AGO3: variants seen among roughly 807,000 people sequenced by gnomAD.
AGO3 encodes protein argonaute-3.
AGO3 carries 16 observed loss-of-function variants against 105.5 expected under a neutral mutation model. The observed-to-expected ratio is 0.15, with a 90% CI of 0.10 to 0.23. The LOEUF is 0.23. Among genes scored for constraint, AGO3 ranks in the 10% least tolerant of loss-of-function variants. AGO3 has a pLI of 1.00. For missense variants in AGO3, 534 were observed against 1,088.0 expected (o/e 0.49, Z 7.16); for synonymous variants, 340 against 367.3 (o/e 0.93, Z 0.85).
intron 9 of AGO3, 38 bp downstream of exon 9, chr1:36,009,632 A>G (rs747906655): frequency 1.3e-6 from 2 of 1,588,504 alleles, no homozygotes; most frequent in Non-Finnish European, 8.6e-7. Flanking sequence ...TTTAAAACAT[A>G]TTAGGGTGAA....
intron 14 of AGO3, among the ~76,000 whole-genome samples, chr1:36,038,575 G>A (rs939622660): frequency 6.6e-5 from 10 of 151,898 alleles, no homozygotes; most frequent in African/African-American, 2.2e-4. Context: ...CTTAAGTAGC[G>A]AGATACCTTT....
At chr1:36,031,481 A>T (rs1389935468) in intron 12 of AGO3, among the ~76,000 whole-genome samples, 4 of 149,338 alleles carry the variant, frequency 2.7e-5, no homozygotes, top group African/African-American at 2.5e-5. Context: ...TTTCTCCTTC[A>T]TTTTTTTTTT....
At chr1:35,991,871 C>T (rs1463965686) in intron 5 of AGO3, among the ~76,000 whole-genome samples, 1 of 152,094 alleles carries the variant, frequency 6.6e-6, no homozygotes, top group South Asian at 2.1e-4. Context: ...TTGTTTTGAT[C>T]TCTGTCTTCC....
At chr1:35,967,113 T>C in intron 3 of AGO3, 38 bp downstream of exon 3, 1 of 1,588,384 alleles carries the variant, frequency 6.3e-7, no homozygotes. Context: ...GGTATATTTT[T>C]GAAGTGTCTC....
chr1:36,035,592 T>G (rs186374745), intron 13 of AGO3, among the ~76,000 whole-genome samples: 2,311 of 152,232 alleles, frequency 0.015, 49 homozygotes, highest in African/African-American at 0.053. Context: ...AATATAAGTC[T>G]TTTTTTAAAG....
chr1:35,987,127 A>G (rs908408016), intron 5 of AGO3, among the ~76,000 whole-genome samples: 1 of 152,106 alleles, frequency 6.6e-6, no homozygotes, highest in Non-Finnish European at 1.5e-5. Context: ...CAGGAGTTCA[A>G]GACTAGCTTG....
intron 17 of AGO3, among the ~76,000 whole-genome samples, chr1:36,049,919 G>A (rs1360784603): frequency 6.6e-6 from 1 of 152,108 alleles, no homozygotes; most frequent in Non-Finnish European, 1.5e-5. Flanking sequence ...ATAATATAAA[G>A]CAAGTATTAT....
chr1:35,989,074 T>C (rs1017113618), intron 5 of AGO3, among the ~76,000 whole-genome samples: 11 of 152,172 alleles, frequency 7.2e-5, no homozygotes, highest in Admixed American at 6.6e-5. Context: ...TTGAGCACTA[T>C]AATAAGTACT....
intron 2 of AGO3, among the ~76,000 whole-genome samples, chr1:35,964,472 C>A (rs1476088812): frequency 6.6e-6 from 1 of 152,160 alleles, no homozygotes; most frequent in Non-Finnish European, 1.5e-5. Flanking sequence ...TTTTTTATGA[C>A]TGCATAGTAT....
At chr1:36,023,874 A>G (rs1569840551) in intron 11 of AGO3, among the ~76,000 whole-genome samples, 1 of 152,192 alleles carries the variant, frequency 6.6e-6, no homozygotes, top group Middle Eastern at 3.4e-3. Context: ...TTTGCCTTTC[A>G]TCTCCACCAC....
rs375403384 is a variant in AGO3 at position 35,967,087 on chromosome 1, A to G, written c.312+12A>G. 8.8e-6 allele frequency: 14 copies of G among 1,598,432 alleles called. No individual in the cohort carries two copies. The African/African-American group carries it at 1.5e-4, about 17-fold the overall frequency. ...TGGCAACTACAGGGGTAAGATATGC[A>G]TTCCTGTATTGGAAAGGTATATTTT... On this transcript the variant is annotated intron_variant, in intron 3 of 18. Coordinates refer to ENST00000373191, the MANE Select transcript of AGO3 (RefSeq NM_024852.4).
chr1:36,013,972 C>T lies in AGO3; in HGVS notation c.1330C>T (p.His444Tyr). Residue 444 changes from histidine (H) to tyrosine (Y), a missense_variant, in exon 11 of 19, where the codon CAC becomes TAC. Around this residue, in one of 2 missense-constraint regions of AGO3, gnomAD observed 373 missense variants for 854.0 expected, o/e 0.44. Transcript: ENST00000373191. ...GVWDMRGKQF[H>Y]TGVEIKMWAI... The stretch of plus-strand genomic sequence containing the variant: ...ATGGGACATGCGAGGGAAACAATTC[C>T]ACACAGGAGTTGAAATCAAAATGTG... 1 of 1,614,020 alleles carries T rather than the reference C, an allele frequency of 6.2e-7. No homozygotes were observed. Among genetic ancestry groups the T allele is most frequent in the Non-Finnish European group, 8.5e-7 (1 of 1,180,016 alleles).
At chr1:35,950,835 T>C (rs2148754801) in intron 2 of AGO3, among the ~76,000 whole-genome samples, 1 of 152,356 alleles carries the variant, frequency 6.6e-6, no homozygotes, top group East Asian at 1.9e-4. Flanking sequence ...CATTAAATAA[T>C]GGAATAGATA....
chr1:36,031,607 G>A (rs1569870387), intron 12 of AGO3, among the ~76,000 whole-genome samples: 3 of 152,036 alleles, frequency 2.0e-5, no homozygotes, highest in Admixed American at 1.3e-4. Flanking sequence ...ATGTTGTGCA[G>A]CCATCATCAC....
chr1:36,058,832 G>C lies in AGO3; in HGVS notation c.*3087G>C, dbSNP rs1360483828. Reference sequence around the variant, plus strand: ...TCCAGAAAAATTTCCTATAAAGATGGATTTTTTTACACTGAAATTTTACTG... The same window carrying C: ...TCCAGAAAAATTTCCTATAAAGATGCATTTTTTTACACTGAAATTTTACTG... On this transcript the variant is annotated 3_prime_UTR_variant, in exon 19 of 19. Coordinates refer to ENST00000373191, the MANE Select transcript of AGO3 (RefSeq NM_024852.4). 2 of 152,012 alleles carry C rather than the reference G, an allele frequency of 1.3e-5. No homozygotes were observed. The highest frequency in any genetic ancestry group is 4.8e-5 in the African/African-American group (2 of 41,380). 9.4% of individuals were successfully genotyped at this position (152,012 alleles called of 1,614,324 possible). A position where few individuals can be genotyped will look rare whatever the true frequency, so the allele number is the denominator to read the frequency against.
chr1:35,975,113 C>A (rs763984433), intron 5 of AGO3, among the ~76,000 whole-genome samples: 1 of 151,998 alleles, frequency 6.6e-6, no homozygotes, highest in Non-Finnish European at 1.5e-5. Flanking sequence ...ACATTCCTGG[C>A]GGTTAGACTG....
At chr1:36,002,886 C>T (rs1235758244) in intron 5 of AGO3, among the ~76,000 whole-genome samples, 4 of 152,092 alleles carry the variant, frequency 2.6e-5, no homozygotes, top group African/African-American at 4.8e-5. Flanking sequence ...GCCTGGCCAA[C>T]GTGGTAAAAC....
At chr1:35,996,235 A>G (rs1211569915) in intron 5 of AGO3, among the ~76,000 whole-genome samples, 2 of 151,758 alleles carry the variant, frequency 1.3e-5, no homozygotes, top group Non-Finnish European at 2.9e-5. Context: ...TGAGGTGAGA[A>G]GATTACTTGA....
intron 17 of AGO3, among the ~76,000 whole-genome samples, chr1:36,051,222 A>G (rs1029171948): frequency 6.6e-6 from 1 of 152,176 alleles, no homozygotes; most frequent in African/African-American, 2.4e-5. Context: ...GTCATGAGTT[A>G]CCATGCCCGG....
Sources: allele counts gnomAD v4.1 joint callset (sites outside exome capture counted in the v4.1 genomes callset), GRCh38; gene constraint gnomAD v4.1.1; regional missense constraint gnomAD v4.1.1; transcripts MANE v1.5; gene names NCBI Gene and HGNC (gene_info 2026-07-23, HGNC 2026-07-21).